Variants in OR2L13 observed in about 807,000 individuals in gnomAD.
OR2L13 encodes olfactory receptor 2L13.
Under a neutral mutation model 15.3 loss-of-function variants are expected in OR2L13, and 14 were observed. That is an observed-to-expected ratio of 0.91 (90% CI 0.60 to 1.43). OR2L13 has a LOEUF of 1.43. OR2L13 is among the 40% of genes most tolerant of loss of function. OR2L13 has a pLI of 0.00. For synonymous variants in OR2L13, 152 were observed against 142.9 expected (o/e 1.06, Z -0.45); for missense variants, 367 against 387.9 (o/e 0.95, Z 0.45).
At chr1:248,059,570 G>A in the OR2L13 span, among the ~76,000 whole-genome samples, 47 of 152,288 alleles carry the variant, frequency 3.1e-4, no homozygotes, top group African/African-American at 8.9e-4. Flanking sequence ...AATCAAGAGC[G>A]TGAATTAACA....
At chr1:247,991,196 T>C in the OR2L13 span, 7 of 1,580,308 alleles carry the variant, frequency 4.4e-6, no homozygotes, top group East Asian at 1.4e-4. Context: ...ATCTTTTCAG[T>C]GAAAATATAG....
the OR2L13 span, chr1:247,965,711 C>A: frequency 6.4e-7 from 1 of 1,555,494 alleles, no homozygotes; most frequent in Non-Finnish European, 8.7e-7. Flanking sequence ...GGAACTGAAG[C>A]CCTTCTCCTT....
the OR2L13 span, among the ~76,000 whole-genome samples, chr1:248,021,082 A>G: frequency 6.6e-6 from 1 of 152,226 alleles, no homozygotes; most frequent in East Asian, 1.9e-4. Context: ...GATCCATAAT[A>G]TATGCATTTA....
the OR2L13 span, among the ~76,000 whole-genome samples, chr1:247,944,820 G>T: frequency 6.6e-6 from 1 of 152,046 alleles, no homozygotes; most frequent in Admixed American, 6.6e-5. Context: ...ATTCTCTGAT[G>T]ATTGTATTTC....
the OR2L13 span, chr1:247,965,280 T>C: frequency 2.2e-6 from 3 of 1,381,178 alleles, no homozygotes; most frequent in Admixed American, 2.7e-5. Context: ...GAATATTTAT[T>C]TCTGAATGCC....
chr1:247,997,434 ATAATACC>A, the OR2L13 span, among the ~76,000 whole-genome samples: 1 of 152,188 alleles, frequency 6.6e-6, no homozygotes, highest in African/African-American at 2.4e-5. Context: ...TTGAATGTGT[ATAATACC>A]TAAAATATGT....
the OR2L13 span, chr1:248,021,848 T>C: frequency 1.2e-6 from 1 of 855,012 alleles, no homozygotes; most frequent in East Asian, 2.5e-5. Context: ...TTTCAGGCAT[T>C]CACTGGAGGC....
the OR2L13 span, among the ~76,000 whole-genome samples, chr1:248,043,939 T>A: frequency 3.8e-4 from 58 of 152,298 alleles, no homozygotes; most frequent in African/African-American, 7.9e-4. Flanking sequence ...TAAAGAAAAA[T>A]TAAGAATGCC....
the OR2L13 span, among the ~76,000 whole-genome samples, chr1:248,000,038 A>G: frequency 2.0e-5 from 3 of 151,542 alleles, no homozygotes; most frequent in Non-Finnish European, 2.9e-5. Context: ...TAGAAGTTCC[A>G]TCTGATTTCT....
chr1:248,020,479 C>A, the OR2L13 span, among the ~76,000 whole-genome samples: 1 of 152,172 alleles, frequency 6.6e-6, no homozygotes, highest in Non-Finnish European at 1.5e-5. Context: ...ACAGAATACA[C>A]ATCCTGCTGG....
At chr1:248,004,068 A>G in the OR2L13 span, 3 of 1,603,234 alleles carry the variant, frequency 1.9e-6, no homozygotes, top group Non-Finnish European at 8.5e-7. Context: ...GTGAAAATGT[A>G]GAAACACTTT....
the OR2L13 span, chr1:248,062,763 C>A: frequency 6.6e-6 from 1 of 152,032 alleles, no homozygotes; most frequent in African/African-American, 2.4e-5. Context: ...AAAGAAATAA[C>A]CATATTTGAG....
chr1:248,029,478 A>G, the OR2L13 span, among the ~76,000 whole-genome samples: 2 of 152,126 alleles, frequency 1.3e-5, no homozygotes, highest in Non-Finnish European at 2.9e-5. Context: ...AATATTAATA[A>G]ACCAAAGAGA....
the OR2L13 span, among the ~76,000 whole-genome samples, chr1:248,010,769 T>G: frequency 7.6e-6 from 1 of 131,960 alleles, no homozygotes; most frequent in African/African-American, 2.9e-5. Flanking sequence ...TGTTGTTTTT[T>G]TTTTTTTTTT....
the OR2L13 span, among the ~76,000 whole-genome samples, chr1:248,052,360 T>G: frequency 6.6e-6 from 1 of 152,230 alleles, no homozygotes; most frequent in Non-Finnish European, 1.5e-5. Flanking sequence ...GACTCTGTTT[T>G]ATACTGTTGA....
At chr1:248,076,379 G>A in the OR2L13 span, among the ~76,000 whole-genome samples, 1 of 152,152 alleles carries the variant, frequency 6.6e-6, no homozygotes, top group Non-Finnish European at 1.5e-5. Context: ...ACAGTTCTGT[G>A]AAGGAAGTCA....
At chr1:247,966,252 G>C in the OR2L13 span, 4 of 1,612,998 alleles carry the variant, frequency 2.5e-6, no homozygotes, top group Middle Eastern at 3.3e-4. Context: ...TCTACAGCCT[G>C]AGAAATAAGG....
the OR2L13 span, chr1:247,981,016 T>C: frequency 6.6e-6 from 1 of 151,522 alleles, no homozygotes; most frequent in Non-Finnish European, 1.5e-5. Context: ...GAGAACTTTG[T>C]TTCAGAAATA....
the OR2L13 span, among the ~76,000 whole-genome samples, chr1:248,030,826 C>T: frequency 2.6e-5 from 4 of 151,986 alleles, no homozygotes; most frequent in Admixed American, 2.6e-4. Context: ...ATTGCACGTG[C>T]CAGTGTGTGG....
Sources: allele counts gnomAD v4.1 joint callset (sites outside exome capture counted in the v4.1 genomes callset), GRCh38; gene constraint gnomAD v4.1.1; transcripts MANE v1.5; gene names NCBI Gene and HGNC (gene_info 2026-07-23, HGNC 2026-07-21).